The following KRT82 variants were observed in gnomAD, a reference collection of about 807,000 sequenced individuals.
KRT82 encodes the protein keratin, type II cuticular Hb2.
A neutral mutation model predicts 48.0 loss-of-function variants in KRT82; 44 were observed. The ratio of observed to expected loss-of-function variants is 0.92; its 90% CI spans 0.72 to 1.18. The LOEUF (loss-of-function observed/expected upper bound fraction) is 1.18. Among genes scored for constraint, KRT82 ranks in the 50% most tolerant of loss-of-function variants. KRT82 has a pLI of 0.00. For missense variants in KRT82, 701 were observed against 671.4 expected (o/e 1.04, Z -0.49); for synonymous variants, 297 against 278.3 (o/e 1.07, Z -0.67).
chr12:52,396,274 G>A (rs1412987924), intron 6 of KRT82, 42 bp from the exon 7 acceptor site: 2 of 1,562,692 alleles, frequency 1.3e-6, no homozygotes, highest in Admixed American at 3.6e-5. Context: ...GGGCCCTGGA[G>A]CCCCAAGCCA....
chr12:52,400,441 T>C, intron 4 of KRT82, 86 bp downstream of exon 4: 1 of 1,001,558 alleles, frequency 1.0e-6, no homozygotes, highest in Non-Finnish European at 1.6e-6. Context: ...TGCCCTGAAA[T>C]GTACCCACTG....
chr12:52,403,421 A>G (rs1592154987), intron 2 of KRT82, among the ~76,000 whole-genome samples: 2 of 152,176 alleles, frequency 1.3e-5, no homozygotes, highest in Non-Finnish European at 2.9e-5. Context: ...TGGAAGCTGG[A>G]GCTCCAGAAG....
chr12:52,396,761 A>G (rs1023453460), intron 6 of KRT82, 122 bp downstream of exon 6: 10 of 1,107,274 alleles, frequency 9.0e-6, no homozygotes, highest in Non-Finnish European at 1.3e-5. Context: ...TGAGCAAGGC[A>G]GCACAAGTTT....
chr12:52,403,572 C>T (rs1939815392), intron 2 of KRT82, 129 bp downstream of exon 2: 3 of 681,510 alleles, frequency 4.4e-6, no homozygotes, highest in South Asian at 3.5e-5. Context: ...GACACCATCC[C>T]ACCTAACTGT....
At chr12:52,404,935 G>A (rs1258395790) in intron 1 of KRT82, among the ~76,000 whole-genome samples, 1 of 152,194 alleles carries the variant, frequency 6.6e-6, no homozygotes, top group Non-Finnish European at 1.5e-5. Context: ...GATTCCGGGT[G>A]TAGGAGTAGA....
chr12:52,406,301 T>C lies in KRT82; in HGVS notation c.-24A>G. 1 of 1,550,540 alleles carries C rather than the reference T, an allele frequency of 6.4e-7. No homozygotes were observed. The highest frequency in any genetic ancestry group is 8.7e-7 in the Non-Finnish European group (1 of 1,148,792). On this transcript the variant is annotated 5_prime_UTR_variant, in exon 1 of 9. Transcript: ENST00000257974. The stretch of plus-strand genomic sequence containing the variant: ...ATGGCAGGAGAGAGAGGCAGAGAAA[T>C]GCGGCCCTGGAGGAAAGAACCGGGG...
chr12:52,406,146 C>T lies in KRT82; in HGVS notation c.132G>A (p.Arg44=), dbSNP rs770264899. Residue 44 remains arginine (R), a synonymous_variant, in exon 1 of 9, where the codon AGG becomes AGA. Coordinates refer to ENST00000257974, the MANE Select transcript of KRT82 (RefSeq NM_033033.4). ...SKGPCRPGGG[R]GLRALGCLGS... ...CAAGGCAGCCCAGAGCTCGGAGGCCCCTACCACCCCCGGGCCGGCATGGCC... is the reference window on the plus strand; with the variant it reads ...CAAGGCAGCCCAGAGCTCGGAGGCCTCTACCACCCCCGGGCCGGCATGGCC... 3.1e-6 allele frequency: 5 copies of T among 1,613,102 alleles called. No individual in the cohort carries two copies. In the Admixed American group the frequency reaches 8.3e-5, roughly 27 times the overall value.
chr12:52,405,862 C>A lies in KRT82; in HGVS notation c.411+5G>T. The A allele has an allele frequency of 6.2e-7, 1 of 1,606,920 alleles. No individual in the cohort carries two copies. The highest frequency in any genetic ancestry group is 8.5e-7 in the Non-Finnish European group (1 of 1,175,576). On this transcript the variant is annotated splice_donor_5th_base_variant and intron_variant, in intron 1 of 8. Transcript: ENST00000257974. ...TCTCACGGCCCTGGGCCACTGCCCCCTTACCTTGTTGATGAAAGATGCGAA... is the reference window on the plus strand; with the variant it reads ...TCTCACGGCCCTGGGCCACTGCCCCATTACCTTGTTGATGAAAGATGCGAA...
rs375992302 is a variant in KRT82, at chr12:52,406,158, G to A, written c.120C>T (p.Pro40=). Residue 40 remains proline, a synonymous_variant, in exon 1 of 9, where the codon CCC becomes CCT. Coordinates refer to ENST00000257974, the MANE Select transcript of KRT82 (RefSeq NM_033033.4). Reference sequence around the variant, plus strand: ...GAGCTCGGAGGCCCCTACCACCCCCGGGCCGGCATGGCCCCTTGCTCACTG... The same window carrying A: ...GAGCTCGGAGGCCCCTACCACCCCCAGGCCGGCATGGCCCCTTGCTCACTG... The part of the protein sequence containing the change: ...HYAVSKGPCR[P]GGGRGLRALG... 36 of 1,612,940 alleles carry A rather than the reference G, an allele frequency of 2.2e-5. 1 individual carries two copies. The highest frequency in any genetic ancestry group is 1.8e-4 in the Admixed American group (11 of 59,968).
Position 52,406,172 on chromosome 12 carries a change from C to T in KRT82, c.106G>A (p.Gly36Arg), listed in dbSNP as rs1299755987. The change falls in exon 1 of 9, where the codon GGG becomes AGG. Residue 36 changes from glycine (G) to arginine (R), a missense_variant. By Grantham distance (125) the Gly-to-Arg change is moderately radical. Coordinates refer to ENST00000257974, the MANE Select transcript of KRT82 (RefSeq NM_033033.4). ...CTACCACCCCCGGGCCGGCATGGCC[C>T]CTTGCTCACTGCATAGTGGGTGACC... ...RMVTHYAVSKGPCRPGGGRGL... is the reference protein window; with the variant it reads ...RMVTHYAVSKRPCRPGGGRGL... 1.9e-6 allele frequency: 3 copies of T among 1,613,476 alleles called. No homozygotes were observed. The highest frequency in any genetic ancestry group is 3.3e-5 in the Admixed American group (2 of 60,010).
intron 2 of KRT82, 144 bp downstream of exon 2, chr12:52,403,557 C>T: frequency 1.5e-6 from 1 of 652,412 alleles, no homozygotes; most frequent in East Asian, 2.5e-5. Context: ...GTGGGGTGCC[C>T]TGCTGACACC....
At chr12:52,398,973 G>A (rs936358456) in intron 5 of KRT82, among the ~76,000 whole-genome samples, 7 of 152,060 alleles carry the variant, frequency 4.6e-5, no homozygotes, top group African/African-American at 1.7e-4. Flanking sequence ...TCTCCCCTTT[G>A]AATCTTATTT....
rs1939768531 is a variant in KRT82, at chr12:52,400,145, A to T, written c.782T>A (p.Ile261Asn). ...DFLKSLYEEE[I>N]CLLQSQISET... ...AGAGATCTGAGACTGGAGCAGGCAGATCTCCTGGGGGCAGGGCCCATGTGA... is the reference window on the plus strand; with the variant it reads ...AGAGATCTGAGACTGGAGCAGGCAGTTCTCCTGGGGGCAGGGCCCATGTGA... Residue 261 changes from isoleucine (I) to asparagine (N), a missense_variant, in exon 5 of 9, where the codon ATC becomes AAC. By Grantham distance (149) the Ile-to-Asn change is moderately radical. Transcript: ENST00000257974. The T allele has an allele frequency of 6.2e-7, 1 of 1,612,906 alleles. No individual in the cohort carries two copies. The highest frequency in any genetic ancestry group is 1.3e-5 in the African/African-American group (1 of 74,892).
chr12:52,394,854 G>A lies in KRT82; in HGVS notation c.*121C>T. The A allele has an allele frequency of 1.2e-6, 1 of 839,570 alleles. No homozygotes were observed. Among genetic ancestry groups the A allele is most frequent in the Non-Finnish European group, 2.0e-6 (1 of 512,080 alleles). 52.0% of individuals were successfully genotyped at this position (839,570 alleles called of 1,614,324 possible). On this transcript the variant is annotated 3_prime_UTR_variant, in exon 9 of 9. Coordinates refer to ENST00000257974, the MANE Select transcript of KRT82 (RefSeq NM_033033.4). ...GCTCTCAAGGAGGGAACACTGGAGG[G>A]GAATGTGGAGTCAATAAAGGGAGGT...
In KRT82 at chr12:52,401,355, G is replaced by A. The variant is rs1565782706; in HGVS notation, c.621-6C>T. On this transcript the variant is annotated splice_region_variant and splice_polypyrimidine_tract_variant and intron_variant, in intron 2 of 8. Coordinates refer to ENST00000257974, the MANE Select transcript of KRT82 (RefSeq NM_033033.4). Reference sequence around the variant, plus strand: ...GGGAGAGCTCCTCTTCGTATCTGATGGAAAAGGCAGGAAAAAATGCTTTAG... The same window carrying A: ...GGGAGAGCTCCTCTTCGTATCTGATAGAAAAGGCAGGAAAAAATGCTTTAG... 11 of 1,613,940 alleles carry A rather than the reference G, an allele frequency of 6.8e-6. No homozygotes were observed. The highest frequency in any genetic ancestry group is 8.5e-6 in the Non-Finnish European group (10 of 1,179,860).
chr12:52,401,639 G>T (rs1939792411), intron 2 of KRT82, among the ~76,000 whole-genome samples: 1 of 152,208 alleles, frequency 6.6e-6, no homozygotes. Flanking sequence ...CTGCTGAGGA[G>T]GTTCACTTCA....
At chr12:52,402,292 G>A (rs899006681) in intron 2 of KRT82, 1 of 152,222 alleles carries the variant, frequency 6.6e-6, no homozygotes, top group Non-Finnish European at 1.5e-5. Context: ...ATCCTTCCCC[G>A]ATTGTCTCAC....
chr12:52,396,820 G>A (rs1003784843), intron 6 of KRT82, 63 bp downstream of exon 6: 42 of 1,598,938 alleles, frequency 2.6e-5, no homozygotes, highest in African/African-American at 6.7e-5. Flanking sequence ...CGCCCTGCAC[G>A]GCACAGACTG....
rs189024448 is a variant in KRT82, at chr12:52,406,287, G to C, written c.-10C>G. ...AAGAGTGGTACGACATGGCAGGAGA[G>C]AGAGGCAGAGAAATGCGGCCCTGGA... On this transcript the variant is annotated 5_prime_UTR_variant, in exon 1 of 9. Transcript: ENST00000257974. 1.0e-4 allele frequency: 157 copies of C among 1,566,928 alleles called. 1 individual carries two copies. The African/African-American group carries it at 1.7e-3, about 17-fold the overall frequency.
Sources: allele counts gnomAD v4.1 joint callset (sites outside exome capture counted in the v4.1 genomes callset), GRCh38; gene constraint gnomAD v4.1.1; transcripts MANE v1.5; gene names NCBI Gene and HGNC (gene_info 2026-07-23, HGNC 2026-07-21).